Variants in PPFIBP1 observed in about 807,000 individuals in gnomAD.
PPFIBP1 encodes PPFIB scaffold protein 1.
Under a neutral mutation model 137.8 loss-of-function variants are expected in PPFIBP1, and 112 were observed. That is an observed-to-expected ratio of 0.81 (90% CI 0.70 to 0.95). The LOEUF is 0.95. Ranked by LOEUF, PPFIBP1 falls within the 40% of genes least tolerant of loss-of-function variation. PPFIBP1 has a pLI of 0.00. For synonymous variants in PPFIBP1, 378 were observed against 417.3 expected, an observed-to-expected ratio of 0.91 and a Z score of 1.15; for missense variants, 1,083 against 1,196.6, an observed-to-expected ratio of 0.91 and a Z score of 1.40.
At chr12:27,565,803 A>G (rs950045006) in intron 1 of PPFIBP1, among the ~76,000 whole-genome samples, 3 of 152,144 alleles carry the variant, frequency 2.0e-5, no homozygotes, top group Non-Finnish European at 4.4e-5. Context: ...CCTGGACCCT[A>G]TGATTGTACT....
At chr12:27,604,870 A>G (rs2054356171) in intron 2 of PPFIBP1, among the ~76,000 whole-genome samples, 2 of 152,342 alleles carry the variant, frequency 1.3e-5, no homozygotes, top group East Asian at 1.9e-4. Context: ...CAATCTTGAC[A>G]GAAGGCAAGG....
intron 4 of PPFIBP1, among the ~76,000 whole-genome samples, chr12:27,638,686 G>C (rs2057871994): frequency 6.6e-6 from 1 of 152,196 alleles, no homozygotes; most frequent in African/African-American, 2.4e-5. Flanking sequence ...AATGAGGGAA[G>C]GAGTTGGGTC....
In PPFIBP1 at chr12:27,692,837, C is replaced by T. The variant is rs761100248; in HGVS notation, c.2973C>T (p.Ala991=). Residue 991 remains alanine, a synonymous_variant, in exon 30 of 30, where the codon GCC becomes GCT. Transcript: ENST00000228425. ...KEDDMFKDFA[A]RSPSASITDE... Reference sequence around the variant, plus strand: ...ATGACATGTTTAAAGATTTTGCTGCCCGTTCCCCCAGTGCCAGCATTACAG... The same window carrying T: ...ATGACATGTTTAAAGATTTTGCTGCTCGTTCCCCCAGTGCCAGCATTACAG... 3 of 1,614,136 alleles carry T rather than the reference C, an allele frequency of 1.9e-6. No individual in the cohort carries two copies. The highest frequency in any genetic ancestry group is 2.5e-6 in the Non-Finnish European group (3 of 1,180,026).
In PPFIBP1 at chr12:27,578,228, C is replaced by A. The variant is rs1317013114; in HGVS notation, c.-47C>A. ...CTGAAATAAATCAGCTTTAAACCTG[C>A]TTTTTAAAAATGTAAGTGAACTCAC... On this transcript the variant is annotated 5_prime_UTR_variant, in exon 2 of 30. Coordinates refer to ENST00000228425, the MANE Select transcript of PPFIBP1 (RefSeq NM_003622.4). 5 of 152,116 alleles carry A rather than the reference C, an allele frequency of 3.3e-5. No homozygotes were observed. The allele number at this position is 152,116 out of a possible 1,614,324, so 9.4% of individuals were successfully genotyped here. A position where few individuals can be genotyped will look rare whatever the true frequency, so the allele number is the denominator to read the frequency against.
At chr12:27,599,729 G>A (rs555269204) in intron 2 of PPFIBP1, among the ~76,000 whole-genome samples, 53 of 152,268 alleles carry the variant, frequency 3.5e-4, no homozygotes, top group African/African-American at 9.6e-4. Context: ...GCACAGCATC[G>A]TTTCTGTGGT....
chr12:27,602,150 A>G (rs2054062912), intron 2 of PPFIBP1, among the ~76,000 whole-genome samples: 1 of 152,176 alleles, frequency 6.6e-6, no homozygotes, highest in South Asian at 2.1e-4. Context: ...AGATGGGACA[A>G]TATTCTAGCG....
chr12:27,646,618 A>T (rs1593102593), intron 5 of PPFIBP1, among the ~76,000 whole-genome samples: 1 of 152,136 alleles, frequency 6.6e-6, no homozygotes, highest in African/African-American at 2.4e-5. Context: ...ATCTGAATAT[A>T]TGTAAGTTTA....
Position 27,687,387 on chromosome 12 carries a change from T to C in PPFIBP1, c.2250T>C (p.Asp750=). 1.9e-6 allele frequency: 3 copies of C among 1,613,406 alleles called. No homozygotes were observed. The South Asian group carries it at 3.3e-5, about 18-fold the overall frequency. The change falls in exon 25 of 30, where the codon GAT becomes GAC. Residue 750 remains aspartate, a splice_region_variant and synonymous_variant. Transcript: ENST00000228425. ...CCTCCTTTTGTTCTTTTTTGCAGGA[T>C]GACTTACTGTCTCTGAAGGTTGTAA... The part of the protein sequence containing the change: ...DGRMLHYMTV[D]DLLSLKVVSV...
At position 27,536,944 on chromosome 12, in the gene PPFIBP1, A is replaced by G. The variant is rs141633026; in HGVS notation, c.-124+12579A>G. Among the ~76,000 whole-genome samples, 614 of 152,208 alleles carry G rather than the reference A, an allele frequency of 4.0e-3. 2 individuals are homozygous for G. The highest frequency in any genetic ancestry group is 0.014 in the African/African-American group (575 of 41,546). ...CTCAGCTTCATTATTAAAGTTTGCA[A>G]TGTAACAGGTTTGTGGGTGGTAGCC... is the stretch of plus-strand genomic sequence containing the variant. On this transcript the variant is annotated intron_variant, in intron 1 of 29. Coordinates refer to ENST00000228425, the MANE Select transcript of PPFIBP1 (RefSeq NM_003622.4).
chr12:27,679,741 A>G, intron 20 of PPFIBP1, 102 bp downstream of exon 20: 1 of 1,438,276 alleles, frequency 7.0e-7, no homozygotes, highest in Non-Finnish European at 9.5e-7. Context: ...TATTCCTCTT[A>G]TGGAAGGAAG....
chr12:27,678,872 AAAAAAAAAAC>A (rs1192191448), intron 19 of PPFIBP1, among the ~76,000 whole-genome samples: 1 of 147,622 alleles, frequency 6.8e-6, no homozygotes. Flanking sequence ...AAAAAAAAAA[AAAAAAAAAAC>A]ATTTAAGAGA....
chr12:27,638,356 G>A (rs1324631400), intron 4 of PPFIBP1, among the ~76,000 whole-genome samples: 15 of 152,184 alleles, frequency 9.9e-5, no homozygotes, highest in Admixed American at 9.8e-4. Context: ...TTTTAAAAAA[G>A]GAAGCAGTGA....
At chr12:27,616,154 C>G (rs748978529) in intron 2 of PPFIBP1, among the ~76,000 whole-genome samples, 3 of 151,844 alleles carry the variant, frequency 2.0e-5, no homozygotes, top group Non-Finnish European at 4.4e-5. Context: ...TTTTTATACC[C>G]CATCTGCATT....
chr12:27,674,402 T>C (rs2060376725), intron 17 of PPFIBP1, among the ~76,000 whole-genome samples, 181 bp downstream of exon 17: 1 of 146,802 alleles, frequency 6.8e-6, no homozygotes, highest in East Asian at 2.0e-4. Flanking sequence ...AACAGATAAA[T>C]CTATAGAAAT....
At chr12:27,667,857 G>A (rs1273839074) in intron 13 of PPFIBP1, among the ~76,000 whole-genome samples, 3 of 152,066 alleles carry the variant, frequency 2.0e-5, no homozygotes, top group Admixed American at 6.6e-5. Flanking sequence ...GTGACCGCTT[G>A]GCTTCCTCAC....
rs368172838 is a variant in PPFIBP1 at position 27,637,763 on chromosome 12, G to A, written c.270+2648G>A. Among the ~76,000 whole-genome samples, 11 of 152,186 alleles carry A rather than the reference G, an allele frequency of 7.2e-5. No individual in the cohort carries two copies. The South Asian group carries it at 1.5e-3, about 20-fold the overall frequency. ...TAAGTTGTCACCACACACCTACCACGATAGACTTTATTTTAGAACCAAAAA... is the reference window on the plus strand; with the variant it reads ...TAAGTTGTCACCACACACCTACCACAATAGACTTTATTTTAGAACCAAAAA... On this transcript the variant is annotated intron_variant, in intron 4 of 29. Coordinates refer to ENST00000228425, the MANE Select transcript of PPFIBP1 (RefSeq NM_003622.4).
chr12:27,602,431 A>G (rs1228615215), intron 2 of PPFIBP1, among the ~76,000 whole-genome samples: 1 of 152,212 alleles, frequency 6.6e-6, no homozygotes, highest in Non-Finnish European at 1.5e-5. Context: ...GTGTGTGTGA[A>G]ATCTATATTG....
chr12:27,682,290 C>A, intron 22 of PPFIBP1, 97 bp from the exon 23 acceptor site: 1 of 852,978 alleles, frequency 1.2e-6, no homozygotes, highest in Non-Finnish European at 1.9e-6. Context: ...TGAATTGGGT[C>A]TTTAATGCTA....
At chr12:27,581,984 A>G (rs7303790) in intron 2 of PPFIBP1, among the ~76,000 whole-genome samples, 64,417 of 150,738 alleles carry the variant, frequency 0.43, 14,993 homozygotes, top group Non-Finnish European at 0.54. Flanking sequence ...GTGTGTACGT[A>G]TGTGTGTGTG....
Sources: allele counts gnomAD v4.1 joint callset (sites outside exome capture counted in the v4.1 genomes callset), GRCh38; gene constraint gnomAD v4.1.1; transcripts MANE v1.5; gene names NCBI Gene and HGNC (gene_info 2026-07-23, HGNC 2026-07-21).